The following ANKFN1 variants were observed in gnomAD, a reference collection of about 807,000 sequenced individuals.
ANKFN1 encodes ankyrin repeat and fibronectin type III domain containing 1.
In ANKFN1, 74 loss-of-function variants were observed where a neutral mutation model predicts 108.7. The observed-to-expected ratio is 0.68, with a 90% CI of 0.56 to 0.83. ANKFN1 has a LOEUF of 0.83. Ranked by LOEUF, ANKFN1 falls within the 40% of genes least tolerant of loss-of-function variation. ANKFN1 has a pLI of 0.00. For synonymous variants in ANKFN1, 547 were observed against 516.2 expected (o/e 1.06, Z -0.81); for missense variants, 1,505 against 1,382.3 (o/e 1.09, Z -1.41).
At chr17:56,240,403 T>C (rs1917492309) in intron 3 of ANKFN1, among the ~76,000 whole-genome samples, 1 of 152,148 alleles carries the variant, frequency 6.6e-6, no homozygotes, top group Non-Finnish European at 1.5e-5. Context: ...TAGTATTCCA[T>C]TGCATGAATA....
chr17:56,427,563 T>C (rs1288353851), intron 8 of ANKFN1, among the ~76,000 whole-genome samples: 1 of 151,970 alleles, frequency 6.6e-6, no homozygotes, highest in Non-Finnish European at 1.5e-5. Context: ...CCTCTCTCCT[T>C]CTTGAAATGC....
At chr17:56,379,841 T>A (rs2047045643) in intron 8 of ANKFN1, among the ~76,000 whole-genome samples, 1 of 152,262 alleles carries the variant, frequency 6.6e-6, no homozygotes, top group South Asian at 2.1e-4. Context: ...AGGGACTGTT[T>A]GTGGATTCAC....
At chr17:56,464,226 C>CTTAGAAAA (rs1194818594) in intron 14 of ANKFN1, among the ~76,000 whole-genome samples, 1 of 152,110 alleles carries the variant, frequency 6.6e-6, no homozygotes, top group Non-Finnish European at 1.5e-5. Context: ...CTTATTCAAC[C>CTTAGAAAA]CCTTAGAAAA....
intron 1 of ANKFN1, among the ~76,000 whole-genome samples, chr17:56,165,239 A>T (rs909160864): frequency 1.1e-4 from 16 of 152,138 alleles, no homozygotes; most frequent in Admixed American, 4.6e-4. Flanking sequence ...ACCATCCTCT[A>T]TCTAGCTCAT....
chr17:56,166,882 C>G (rs369286783), intron 1 of ANKFN1, among the ~76,000 whole-genome samples: 1 of 152,116 alleles, frequency 6.6e-6, no homozygotes, highest in South Asian at 2.1e-4. Flanking sequence ...ATTATAAACT[C>G]CTGAAATTTA....
intron 4 of ANKFN1, among the ~76,000 whole-genome samples, chr17:56,100,656 C>A (rs1265322216): frequency 6.6e-6 from 1 of 152,180 alleles, no homozygotes; most frequent in Admixed American, 6.5e-5. Context: ...TCAGAGGAGG[C>A]AGTAGGGTAA....
intron 4 of ANKFN1, among the ~76,000 whole-genome samples, chr17:56,064,842 C>G (rs1257389647): frequency 6.6e-6 from 1 of 152,034 alleles, no homozygotes; most frequent in African/African-American, 2.4e-5. Context: ...GGATGCTAGG[C>G]CCCGGTGGTG....
chr17:56,169,650 G>A (rs1367554462), intron 1 of ANKFN1, among the ~76,000 whole-genome samples: 1 of 152,152 alleles, frequency 6.6e-6, no homozygotes, highest in East Asian at 1.9e-4. Flanking sequence ...GGAGATTTAA[G>A]AAAGGCAGAA....
chr17:56,284,044 T>C (rs1265129409), intron 3 of ANKFN1, among the ~76,000 whole-genome samples: 1 of 152,214 alleles, frequency 6.6e-6, no homozygotes, highest in East Asian at 1.9e-4. Context: ...CAGAGACACA[T>C]CTGACTGATA....
Position 56,123,044 on chromosome 17 carries a change from A to C in ANKFN1, c.288+76719A>C, listed in dbSNP as rs548406068. On this transcript the variant is annotated intron_variant, in intron 4 of 12. Coordinates refer to the ANKFN1 transcript ENST00000635860. ...GTACTTATTATGTGCCAGGAACTTT[A>C]CTAAGCATTTTCCTTGGAGGAGTTC... 2.3e-4 allele frequency among the ~76,000 whole-genome samples: 35 copies of C among 152,388 alleles called. 1 individual carries two copies. Among genetic ancestry groups the C allele is most frequent in the African/African-American group, 8.2e-4 (34 of 41,596 alleles).
At chr17:56,297,042 T>C (rs564339804) in intron 3 of ANKFN1, among the ~76,000 whole-genome samples, 19 of 152,290 alleles carry the variant, frequency 1.2e-4, no homozygotes, top group Non-Finnish European at 1.8e-4. Flanking sequence ...CTCTTTGGAA[T>C]TTTTCTTCAG....
At chr17:56,331,302 T>C (rs546623873) in intron 4 of ANKFN1, among the ~76,000 whole-genome samples, 154 of 152,206 alleles carry the variant, frequency 1.0e-3, no homozygotes, top group African/African-American at 3.3e-3. Flanking sequence ...CTGAAAAAAA[T>C]ATTTCAATCC....
intron 4 of ANKFN1, among the ~76,000 whole-genome samples, chr17:56,050,708 T>A (rs948678690): frequency 3.3e-5 from 5 of 152,046 alleles, no homozygotes; most frequent in African/African-American, 7.2e-5. Context: ...GTTGTAGATA[T>A]GCGGCGTTAT....
At chr17:56,357,751 G>A (rs550579843) in intron 6 of ANKFN1, among the ~76,000 whole-genome samples, 13 of 152,224 alleles carry the variant, frequency 8.5e-5, no homozygotes, top group South Asian at 2.1e-4. Context: ...AACACCTGCC[G>A]TAAACTGTTC....
intron 8 of ANKFN1, among the ~76,000 whole-genome samples, chr17:56,422,360 T>A (rs2048432635): frequency 6.6e-6 from 1 of 152,204 alleles, no homozygotes; most frequent in South Asian, 2.1e-4. Context: ...TGATAAATAC[T>A]AAAATAAACA....
At chr17:56,430,075 G>T (rs2048702559) in intron 8 of ANKFN1, among the ~76,000 whole-genome samples, 2 of 152,240 alleles carry the variant, frequency 1.3e-5, no homozygotes, top group Middle Eastern at 6.8e-3. Flanking sequence ...TCATTTTGAT[G>T]TTGGAAAATA....
chr17:56,168,783 T>C (rs1910388133), intron 1 of ANKFN1, among the ~76,000 whole-genome samples: 1 of 152,226 alleles, frequency 6.6e-6, no homozygotes, highest in Non-Finnish European at 1.5e-5. Context: ...GCTGGTTTCA[T>C]ATAGGTGCTA....
At chr17:56,355,984 C>T (rs2046366022) in intron 6 of ANKFN1, among the ~76,000 whole-genome samples, 1 of 152,124 alleles carries the variant, frequency 6.6e-6, no homozygotes, top group African/African-American at 2.4e-5. Context: ...CAACCATGAA[C>T]CTACCTTCTG....
intron 15 of ANKFN1, among the ~76,000 whole-genome samples, chr17:56,470,509 A>G (rs1488464495): frequency 6.6e-6 from 1 of 152,176 alleles, no homozygotes; most frequent in Non-Finnish European, 1.5e-5. Context: ...ATTTTAAGCA[A>G]TGCTAGGCTG....
Sources: gnomAD v4.1 joint callset for allele counts (sites outside exome capture counted in the v4.1 genomes callset) on GRCh38, gnomAD v4.1.1 for gene constraint, MANE v1.5 for transcripts, NCBI Gene and HGNC (gene_info 2026-07-23, HGNC 2026-07-21) for gene names.